The following PIK3C3 variants were observed in gnomAD, a reference collection of about 807,000 sequenced individuals.
PIK3C3 encodes PI3-kinase type 3.
In PIK3C3, 95 loss-of-function variants were observed where a neutral mutation model predicts 126.1. The ratio of observed to expected loss-of-function variants is 0.75; its 90% CI spans 0.64 to 0.89. PIK3C3 has a LOEUF of 0.89. Among genes scored for constraint, PIK3C3 ranks in the 40% least tolerant of loss-of-function variants. PIK3C3 has a pLI of 0.00. For synonymous variants in PIK3C3, 374 were observed against 360.0 expected, an observed-to-expected ratio of 1.04 and a Z score of -0.44; for missense variants, 829 against 1,063.2, an observed-to-expected ratio of 0.78 and a Z score of 3.06.
Position 42,084,983 on chromosome 18 carries a change from A to AT in PIK3C3, c.*3849dup, listed in dbSNP as rs1349338075. 6.6e-6 allele frequency: 1 copy of AT among 152,220 alleles called. No homozygotes were observed. Among genetic ancestry groups the AT allele is most frequent in the East Asian group, 1.9e-4 (1 of 5,194 alleles). 9.4% of individuals were successfully genotyped at this position (152,220 alleles called of 1,614,324 possible). A position where few individuals can be genotyped will look rare whatever the true frequency, so the allele number is the denominator to read the frequency against. ...GGGAAGGCATAAGAACAGAAGATAA[A>AT]TTTGAGGCTCTGTTACGCTGGTCAT... On this transcript the variant is annotated 3_prime_UTR_variant, in exon 25 of 25. Coordinates refer to ENST00000262039, the MANE Select transcript of PIK3C3 (RefSeq NM_002647.4).
chr18:42,057,477 A>ATT (rs1457393588), intron 21 of PIK3C3, among the ~76,000 whole-genome samples: 1 of 152,192 alleles, frequency 6.6e-6, no homozygotes, highest in Non-Finnish European at 1.5e-5. Flanking sequence ...TCTCAGGAAT[A>ATT]TTTAAAGAAA....
intron 10 of PIK3C3, among the ~76,000 whole-genome samples, chr18:42,009,418 T>C (rs1158494795): frequency 5.3e-5 from 8 of 152,178 alleles, no homozygotes; most frequent in East Asian, 1.9e-4. Flanking sequence ...AAGAGAAATA[T>C]ACAGTCATAC....
chr18:42,015,990 A>G (rs946092040), intron 12 of PIK3C3, among the ~76,000 whole-genome samples: 1 of 152,154 alleles, frequency 6.6e-6, no homozygotes, highest in East Asian at 1.9e-4. Flanking sequence ...TTTTTGAGAT[A>G]AAACAGGCCT....
Position 42,064,761 on chromosome 18 carries a change from C to T in PIK3C3, c.2454C>T (p.Asn818=), listed in dbSNP as rs907152138. 1 of 1,596,190 alleles carries T rather than the reference C, an allele frequency of 6.3e-7. No homozygotes were observed. The highest frequency in any genetic ancestry group is 1.3e-5 in the African/African-American group (1 of 74,532). ...HLRRYSNLIL[N]LFSLMVDANI... is the part of the protein sequence containing the mutation. Reference sequence around the variant, plus strand: ...TTAGGTATTCTAATCTGATTTTGAACTTGTTTTCCTTGATGGTTGATGCAA... The same window carrying T: ...TTAGGTATTCTAATCTGATTTTGAATTTGTTTTCCTTGATGGTTGATGCAA... Residue 818 remains asparagine (N), a synonymous_variant, in exon 23 of 25, where the codon AAC becomes AAT. Transcript: ENST00000262039.
chr18:42,015,510 T>A lies in PIK3C3; in HGVS notation c.1360T>A (p.Ser454Thr), dbSNP rs1176442623. ...QIITSPLPSV[S>T]SPPPASKTKE... ...TATAACCAGCCCCCTTCCTTCAGTC[T>A]CTTCACCTCCTCCTGCATCAAAAAC... is the stretch of plus-strand genomic sequence containing the variant. The change falls in exon 12 of 25, where the codon TCT becomes ACT. Residue 454 changes from serine to threonine, a missense_variant. This residue lies in a region of PIK3C3 where 256 missense variants were observed against 291.0 expected (regional missense o/e 0.88). Transcript: ENST00000262039. 6.2e-7 allele frequency: 1 copy of A among 1,613,780 alleles called. No individual in the cohort carries two copies. The highest frequency in any genetic ancestry group is 8.5e-7 in the Non-Finnish European group (1 of 1,179,856).
At chr18:42,030,754 A>G (rs1983786829) in intron 15 of PIK3C3, among the ~76,000 whole-genome samples, 1 of 152,104 alleles carries the variant, frequency 6.6e-6, no homozygotes, top group Non-Finnish European at 1.5e-5. Context: ...GCTGTGTGGG[A>G]AACAGTGTGA....
At chr18:41,970,278 A>G (rs781401177) in intron 3 of PIK3C3, 49 bp from the exon 4 acceptor site, 2 of 1,543,758 alleles carry the variant, frequency 1.3e-6, no homozygotes, top group Admixed American at 1.7e-5. Context: ...ATTTCCTGTA[A>G]TGAACTGTAT....
intron 13 of PIK3C3, among the ~76,000 whole-genome samples, chr18:42,022,061 A>G (rs1205688503): frequency 6.6e-6 from 1 of 152,040 alleles, no homozygotes; most frequent in Non-Finnish European, 1.5e-5. Context: ...TCATTCTCCC[A>G]CTCTCCAGAG....
rs531483785 is a variant in PIK3C3, at chr18:41,995,749, T to C, written c.787-141T>C. 86 of 634,268 alleles carry C rather than the reference T, an allele frequency of 1.4e-4. 1 individual carries two copies. The highest frequency in any genetic ancestry group is 7.2e-4 in the South Asian group (35 of 48,662). 39.3% of individuals were successfully genotyped at this position (634,268 alleles called of 1,614,324 possible). On this transcript the variant is annotated intron_variant, in intron 7 of 24. Transcript: ENST00000262039. ...GAGAAGGATACATATTTTTAAGATA[T>C]GTAGAAGACTGCTAAAGTTGTATCA... is the stretch of plus-strand genomic sequence containing the variant.
At chr18:41,960,932 C>T (rs1016846661) in intron 2 of PIK3C3, among the ~76,000 whole-genome samples, 3 of 151,700 alleles carry the variant, frequency 2.0e-5, no homozygotes, top group African/African-American at 4.8e-5. Context: ...AGTAGAGACA[C>T]GGTTTCACCA....
intron 24 of PIK3C3, among the ~76,000 whole-genome samples, chr18:42,074,236 A>G (rs917594650): frequency 6.6e-6 from 1 of 152,236 alleles, no homozygotes; most frequent in Non-Finnish European, 1.5e-5. Flanking sequence ...TTGATCTTAC[A>G]TGATACATTA....
Position 42,076,147 on chromosome 18 carries a change from CATAT to C in PIK3C3, c.2650-4965_2650-4962del, listed in dbSNP as rs35001905. On this transcript the variant is annotated intron_variant, in intron 24 of 24. Coordinates refer to ENST00000262039, the MANE Select transcript of PIK3C3 (RefSeq NM_002647.4). ...GCGCATATATATATATATATATGCGCATATATATATATATGCACATATATATATA... is the reference window on the plus strand; with the variant it reads ...GCGCATATATATATATATATATGCGCATATATATATGCACATATATATATA... Among the ~76,000 whole-genome samples, 10 of 34,216 alleles carry C rather than the reference CATAT, an allele frequency of 2.9e-4. 1 individual carries two copies. The highest frequency in any genetic ancestry group is 6.4e-4 in the Admixed American group (2 of 3,126). The allele number at this position is 34,216 out of a possible 152,430, so 22.4% of individuals were successfully genotyped here. A position where few individuals can be genotyped will look rare whatever the true frequency, so the allele number is the denominator to read the frequency against.
At chr18:41,988,250 TCA>T (rs1279011569) in intron 5 of PIK3C3, among the ~76,000 whole-genome samples, 2 of 152,172 alleles carry the variant, frequency 1.3e-5, no homozygotes, top group African/African-American at 4.8e-5. Flanking sequence ...GCTTTTCACT[TCA>T]GTTACCATAA....
chr18:42,004,102 C>T (rs1460249669), intron 9 of PIK3C3, among the ~76,000 whole-genome samples: 1 of 152,086 alleles, frequency 6.6e-6, no homozygotes, highest in Non-Finnish European at 1.5e-5. Flanking sequence ...GAAGAAAAGC[C>T]AAAACAAATT....
At chr18:41,984,217 A>G (rs2144339861) in intron 4 of PIK3C3, among the ~76,000 whole-genome samples, 1 of 152,170 alleles carries the variant, frequency 6.6e-6, no homozygotes, top group African/African-American at 2.4e-5. Flanking sequence ...GACATTACAG[A>G]CCCAAAATTA....
intron 24 of PIK3C3, among the ~76,000 whole-genome samples, chr18:42,070,704 C>T (rs1985738315): frequency 6.6e-6 from 1 of 152,078 alleles, no homozygotes; most frequent in African/African-American, 2.4e-5. Flanking sequence ...AGGTTAATTG[C>T]TTTATAAAGC....
At chr18:41,978,622 G>A (rs7242727) in intron 4 of PIK3C3, among the ~76,000 whole-genome samples, 26,776 of 151,998 alleles carry the variant, frequency 0.18, 2,590 homozygotes, top group East Asian at 0.29. Context: ...TGCATTAAAC[G>A]CACATTGAAG....
intron 7 of PIK3C3, among the ~76,000 whole-genome samples, chr18:41,995,630 T>C (rs987758088): frequency 3.3e-5 from 5 of 152,252 alleles, no homozygotes; most frequent in African/African-American, 1.2e-4. Flanking sequence ...ACCTTGAATA[T>C]GTGGAGAGTG....
rs180813924 is a variant in PIK3C3 at position 42,045,258 on chromosome 18, A to G, written c.2188+1441A>G. On this transcript the variant is annotated intron_variant, in intron 20 of 24. Coordinates refer to ENST00000262039, the MANE Select transcript of PIK3C3 (RefSeq NM_002647.4). Reference sequence around the variant, plus strand: ...GTATTTAAAGACTTAAAAACACTGAAGATTTTGAGAGAAAATGTTTACCCT... The same window carrying G: ...GTATTTAAAGACTTAAAAACACTGAGGATTTTGAGAGAAAATGTTTACCCT... Among the ~76,000 whole-genome samples, 379 of 152,066 alleles carry G rather than the reference A, an allele frequency of 2.5e-3. 2 individuals carry two copies. The highest frequency in any genetic ancestry group is 7.6e-3 in the Admixed American group (116 of 15,276).
Sources: allele counts gnomAD v4.1 joint callset (sites outside exome capture counted in the v4.1 genomes callset), GRCh38; gene constraint gnomAD v4.1.1; regional missense constraint gnomAD v4.1.1; transcripts MANE v1.5; gene names NCBI Gene and HGNC (gene_info 2026-07-23, HGNC 2026-07-21).